MKLN1: variants seen among roughly 807,000 people sequenced by gnomAD.
The protein encoded by MKLN1 is muskelin 1, also known as muskelin.
A neutral mutation model predicts 99.0 loss-of-function variants in MKLN1; 18 were observed. The ratio of observed to expected loss-of-function variants is 0.18; its 90% CI spans 0.13 to 0.27. The LOEUF is 0.27. Ranked by LOEUF, MKLN1 falls within the 10% of genes least tolerant of loss-of-function variation. The pLI is 1.00. For synonymous variants in MKLN1, 288 were observed against 293.2 expected, an observed-to-expected ratio of 0.98 and a Z score of 0.18; for missense variants, 621 against 875.9, an observed-to-expected ratio of 0.71 and a Z score of 3.67.
At chr7:131,179,413 A>G (rs1038514418) in intron 2 of MKLN1, among the ~76,000 whole-genome samples, 4 of 152,232 alleles carry the variant, frequency 2.6e-5, no homozygotes, top group Admixed American at 6.5e-5. Context: ...GAGAAGAATT[A>G]TGATGAGTAT....
At chr7:131,473,932 T>C (rs1796896721) in intron 16 of MKLN1, among the ~76,000 whole-genome samples, 2 of 152,178 alleles carry the variant, frequency 1.3e-5, no homozygotes, top group Admixed American at 1.3e-4. Flanking sequence ...GTGGATCACC[T>C]GAGGTCAGGA....
chr7:131,408,611 T>A (rs1036602691), intron 6 of MKLN1, among the ~76,000 whole-genome samples: 11 of 152,266 alleles, frequency 7.2e-5, no homozygotes, highest in Non-Finnish European at 1.2e-4. Context: ...TCATGTTTTT[T>A]AAATCATGTT....
rs1030012654 is a variant in MKLN1, at chr7:131,130,483, AC to A, written c.-418-12332del. On this transcript the variant is annotated intron_variant, in intron 1 of 7. Transcript: ENST00000416992. ...CTCTAAGGTAGATATTACTACCATT[AC>A]CCCCATTTCACAGAAGTGGAGCCTG... Among the ~76,000 whole-genome samples the A allele has an allele frequency of 2.1e-4, 32 of 152,308 alleles. No individual in the cohort carries two copies. The South Asian group carries it at 2.3e-3, about 11-fold the overall frequency.
chr7:131,175,971 C>T (rs1018783211), intron 2 of MKLN1, among the ~76,000 whole-genome samples: 1 of 151,982 alleles, frequency 6.6e-6, no homozygotes, highest in African/African-American at 2.4e-5. Context: ...GAACAAATAC[C>T]CCATTTACTC....
chr7:131,216,168 G>A (rs1796978075), intron 3 of MKLN1, among the ~76,000 whole-genome samples: 1 of 152,146 alleles, frequency 6.6e-6, no homozygotes, highest in Non-Finnish European at 1.5e-5. Context: ...GGGAGGCAGA[G>A]GCAGGCAGAT....
intron 1 of MKLN1, among the ~76,000 whole-genome samples, chr7:131,342,773 A>G (rs936706709): frequency 6.6e-6 from 1 of 152,218 alleles, no homozygotes; most frequent in Non-Finnish European, 1.5e-5. Flanking sequence ...TTTCGCATCT[A>G]TGGAGATCTC....
At chr7:131,309,221 C>T (rs1179944499) in intron 3 of MKLN1, among the ~76,000 whole-genome samples, 2 of 152,106 alleles carry the variant, frequency 1.3e-5, no homozygotes, top group Admixed American at 1.3e-4. Flanking sequence ...CTAGGAGCCT[C>T]CTGCAGATTT....
chr7:131,295,881 T>A (rs1269036393), intron 3 of MKLN1, among the ~76,000 whole-genome samples: 3 of 100,254 alleles, frequency 3.0e-5, no homozygotes, highest in Non-Finnish European at 5.8e-5. Flanking sequence ...CAACGTCCTA[T>A]CCAAAAAAAA....
intron 3 of MKLN1, among the ~76,000 whole-genome samples, chr7:131,304,309 T>G (rs1413030939): frequency 7.2e-5 from 11 of 152,224 alleles, no homozygotes. Flanking sequence ...AATTCAAGGT[T>G]GCAGTGAGTT....
chr7:131,321,827 G>C (rs1032292759), intron 3 of MKLN1, among the ~76,000 whole-genome samples: 1 of 152,142 alleles, frequency 6.6e-6, no homozygotes, highest in Non-Finnish European at 1.5e-5. Context: ...TCATCCCAAA[G>C]ACAGCTCAAA....
chr7:131,364,941 C>G (rs2116815068), intron 1 of MKLN1, among the ~76,000 whole-genome samples: 1 of 152,148 alleles, frequency 6.6e-6, no homozygotes, highest in South Asian at 2.1e-4. Context: ...CTTTACGGTA[C>G]TTTACGGTAA....
At chr7:131,165,505 C>G (rs1796110912) in intron 2 of MKLN1, among the ~76,000 whole-genome samples, 1 of 152,104 alleles carries the variant, frequency 6.6e-6, no homozygotes, top group Non-Finnish European at 1.5e-5. Context: ...GTGTTTTACA[C>G]AGAAGGTGTA....
Position 131,275,493 on chromosome 7 carries a change from C to T in MKLN1, c.-179+72519C>T, listed in dbSNP as rs376637345. ...AGGTGATTCTCCTGCCTCAGCCTCC[C>T]GAGCAGCTGCGACTACAGGCATGCA... On this transcript the variant is annotated intron_variant, in intron 3 of 7. Transcript: ENST00000416992. 3.8e-5 allele frequency among the ~76,000 whole-genome samples: 5 copies of T among 130,930 alleles called. 1 individual carries two copies. Among genetic ancestry groups the T allele is most frequent in the South Asian group, 2.5e-4 (1 of 3,970 alleles). The allele number at this position is 130,930 out of a possible 152,430, so 85.9% of individuals were successfully genotyped here.
chr7:131,465,629 C>G (rs1027976236), intron 14 of MKLN1, among the ~76,000 whole-genome samples: 5 of 152,086 alleles, frequency 3.3e-5, no homozygotes, highest in South Asian at 4.2e-4. Context: ...AGCTCTGCCC[C>G]CTGGGTTCAC....
At chr7:131,245,977 G>C (rs7797598) in intron 3 of MKLN1, among the ~76,000 whole-genome samples, 14,474 of 152,262 alleles carry the variant, frequency 0.095, 862 homozygotes, top group East Asian at 0.26. Context: ...CTGTGCACCT[G>C]TGATGGTCAA....
chr7:131,328,198 C>T, intron 1 of MKLN1: 2 of 642,830 alleles, frequency 3.1e-6, no homozygotes, highest in Non-Finnish European at 5.2e-6. Flanking sequence ...GGAGAGCGAG[C>T]CCAGGGAGAA....
intron 10 of MKLN1, among the ~76,000 whole-genome samples, chr7:131,442,915 G>A (rs1176484606): frequency 2.6e-5 from 4 of 152,246 alleles, no homozygotes; most frequent in Non-Finnish European, 5.9e-5. Context: ...TATGTTAAAA[G>A]TAGGCAGAGT....
chr7:131,462,677 T>A (rs1027299317), intron 12 of MKLN1, among the ~76,000 whole-genome samples: 1 of 152,216 alleles, frequency 6.6e-6, no homozygotes, highest in Non-Finnish European at 1.5e-5. Context: ...AACAAAATAG[T>A]GAACAAAACA....
chr7:131,443,370 G>A (rs1216779253), intron 10 of MKLN1, 111 bp from the exon 11 acceptor site: 1 of 738,150 alleles, frequency 1.4e-6, no homozygotes, highest in Non-Finnish European at 2.3e-6. Context: ...TGTCATTAGG[G>A]ACAAAGTTTA....
Sources: gnomAD v4.1 joint callset for allele counts (sites outside exome capture counted in the v4.1 genomes callset) on GRCh38, gnomAD v4.1.1 for gene constraint, MANE v1.5 for transcripts, NCBI Gene and HGNC (gene_info 2026-07-23, HGNC 2026-07-21) for gene names.